MAPK9: variants seen among roughly 807,000 people sequenced by gnomAD.
MAPK9 encodes Jun kinase.
MAPK9 carries 30 observed loss-of-function variants against 57.1 expected under a neutral mutation model. That is an observed-to-expected ratio of 0.53 (90% CI 0.39 to 0.71). MAPK9 has a LOEUF of 0.71. Ranked by LOEUF, MAPK9 falls within the 30% of genes least tolerant of loss-of-function variation. The pLI, the probability that MAPK9 is intolerant of heterozygous loss-of-function variation, is 0.00. For missense variants in MAPK9, 362 were observed against 521.0 expected (o/e 0.69, Z 2.97); for synonymous variants, 155 against 177.0 (o/e 0.88, Z 0.99).
In MAPK9 at chr5:180,269,410, C is replaced by T; in HGVS notation, c.123-1G>A. 6.2e-7 allele frequency: 1 copy of T among 1,613,408 alleles called. No homozygotes were observed. Among genetic ancestry groups the T allele is most frequent in the Non-Finnish European group, 8.5e-7 (1 of 1,179,478 alleles). ...CCCAAGAACTGTATCAAATGCAGCA[C>T]TAGAATTAGGAAATATAATGCACAA... On this transcript the variant is annotated splice_acceptor_variant, in intron 2 of 11. Coordinates refer to ENST00000452135, the MANE Select transcript of MAPK9 (RefSeq NM_002752.5). LOFTEE classifies it high-confidence loss of function.
At chr5:180,277,188 T>C (rs993861255) in intron 2 of MAPK9, among the ~76,000 whole-genome samples, 2 of 152,256 alleles carry the variant, frequency 1.3e-5, no homozygotes, top group South Asian at 2.1e-4. Context: ...CCTATTGCTA[T>C]TGTAACAAGT....
intron 1 of MAPK9, among the ~76,000 whole-genome samples, chr5:180,288,003 A>AGTGGGTCTGCTATTTATCTGG (rs1762920710): frequency 6.6e-6 from 1 of 152,192 alleles, no homozygotes; most frequent in Non-Finnish European, 1.5e-5. Context: ...TCAGACTCCC[A>AGTGGGTCTGCTATTTATCTGG]GTGGGTCTGC....
At chr5:180,278,508 T>C (rs1344931821) in intron 2 of MAPK9, among the ~76,000 whole-genome samples, 3 of 152,192 alleles carry the variant, frequency 2.0e-5, no homozygotes, top group Non-Finnish European at 2.9e-5. Context: ...GAGACCATCC[T>C]GGCCAACATG....
intron 4 of MAPK9, among the ~76,000 whole-genome samples, chr5:180,262,646 G>A (rs1760102735): frequency 1.3e-5 from 2 of 151,510 alleles, no homozygotes; most frequent in African/African-American, 2.4e-5. Context: ...ATGTTGCCCA[G>A]GCTGGTCTCG....
chr5:180,247,476 C>T lies in MAPK9; in HGVS notation c.651G>A (p.Glu217=). Residue 217 remains glutamate, a synonymous_variant, in exon 7 of 12, where the codon GAG becomes GAA. Transcript: ENST00000452135. This position sits in a 1 kb window ranked among gnomAD's most constrained non-coding sequence, Gnocchi z 4.5. ...GGAATATCACACAACCTTTCACCAGCTCTCCCATGATGCAACCCACTGACC... is the reference window on the plus strand; with the variant it reads ...GGAATATCACACAACCTTTCACCAGTTCTCCCATGATGCAACCCACTGACC... ...DIWSVGCIMG[E]LVKGCVIFQG... 6.2e-7 allele frequency: 1 copy of T among 1,614,132 alleles called. No individual in the cohort carries two copies. Among genetic ancestry groups the T allele is most frequent in the Non-Finnish European group, 8.5e-7 (1 of 1,180,030 alleles).
In MAPK9 at chr5:180,257,233, C is replaced by T. The variant is rs35984843; in HGVS notation, c.450+4451G>A. Among the ~76,000 whole-genome samples, 719 of 152,286 alleles carry T rather than the reference C, an allele frequency of 4.7e-3. 6 individuals carry two copies. The highest frequency in any genetic ancestry group is 0.038 in the Admixed American group (577 of 15,302). On this transcript the variant is annotated intron_variant, in intron 5 of 11. Coordinates refer to ENST00000452135, the MANE Select transcript of MAPK9 (RefSeq NM_002752.5). ...CGAGACAACCCTGCCCTCTGTGGGT[C>T]GGTGGGCTCTACCCCCAAGGGAGGC...
intron 6 of MAPK9, among the ~76,000 whole-genome samples, chr5:180,248,591 C>T (rs1259349179): frequency 6.6e-6 from 1 of 152,094 alleles, no homozygotes; most frequent in East Asian, 1.9e-4. Flanking sequence ...TAAAGCTGAT[C>T]CATGGTACTG....
chr5:180,280,753 GAC>G (rs1762251616), intron 1 of MAPK9, 145 bp from the exon 2 acceptor site: 2 of 607,144 alleles, frequency 3.3e-6, no homozygotes, highest in Non-Finnish European at 5.2e-6. Context: ...ACTTAAGCAA[GAC>G]ACAAAAAAAT....
At chr5:180,266,126 G>A (rs1337280286) in intron 3 of MAPK9, among the ~76,000 whole-genome samples, 1 of 148,210 alleles carries the variant, frequency 6.7e-6, no homozygotes, top group Non-Finnish European at 1.5e-5. Flanking sequence ...AAATGCAGAA[G>A]AGACCAGCAG....
chr5:180,283,480 G>C (rs982511675), intron 1 of MAPK9, among the ~76,000 whole-genome samples: 4 of 152,146 alleles, frequency 2.6e-5, no homozygotes, highest in African/African-American at 9.7e-5. Context: ...TGTCCACGTT[G>C]GGACTGACAG....
intron 10 of MAPK9, among the ~76,000 whole-genome samples, chr5:180,239,114 C>A (rs1208279861): frequency 6.6e-6 from 1 of 152,108 alleles, no homozygotes. Flanking sequence ...GGCTAGGAGC[C>A]CCCCACACTG....
chr5:180,254,967 G>A (rs1420902975), intron 5 of MAPK9, among the ~76,000 whole-genome samples: 2 of 152,194 alleles, frequency 1.3e-5, no homozygotes, highest in African/African-American at 4.8e-5. Flanking sequence ...CCGAGAGGCA[G>A]AGTTTGCACT....
Position 180,274,557 on chromosome 5 carries a change from G to A in MAPK9, c.123-5148C>T, listed in dbSNP as rs1761644207. 2.0e-5 allele frequency among the ~76,000 whole-genome samples: 3 copies of A among 152,178 alleles called. No individual in the cohort carries two copies. The South Asian group carries it at 6.2e-4, about 32-fold the overall frequency. On this transcript the variant is annotated intron_variant, in intron 2 of 11. Coordinates refer to ENST00000452135, the MANE Select transcript of MAPK9 (RefSeq NM_002752.5). The stretch of plus-strand genomic sequence containing the variant: ...CTGACTGAAAGAGATCAAGAGATTG[G>A]GAACCACAGACCTAAAGCTGTAAGG...
At chr5:180,285,949 G>A (rs1414334642) in intron 1 of MAPK9, among the ~76,000 whole-genome samples, 12 of 150,316 alleles carry the variant, frequency 8.0e-5, no homozygotes, top group South Asian at 6.3e-4. Flanking sequence ...GTGTGGTGGC[G>A]GGCGCCTGTA....
At chr5:180,267,297 C>G (rs1760675453) in intron 3 of MAPK9, among the ~76,000 whole-genome samples, 1 of 151,998 alleles carries the variant, frequency 6.6e-6, no homozygotes, top group South Asian at 2.1e-4. Flanking sequence ...TGCGGTGGCT[C>G]ACGCCTGTAA....
chr5:180,267,333 A>G (rs552617078), intron 3 of MAPK9, among the ~76,000 whole-genome samples: 284 of 152,204 alleles, frequency 1.9e-3, no homozygotes, highest in South Asian at 0.016. Flanking sequence ...ACGCCGAGGC[A>G]GGCAGATCAC....
intron 2 of MAPK9, among the ~76,000 whole-genome samples, chr5:180,278,553 A>T (rs1335940413): frequency 6.6e-6 from 1 of 152,154 alleles, no homozygotes; most frequent in Non-Finnish European, 1.5e-5. Flanking sequence ...TACAAAAATT[A>T]GCTGGGTGTG....
At chr5:180,271,320 C>G (rs1227662583) in intron 2 of MAPK9, among the ~76,000 whole-genome samples, 1 of 152,174 alleles carries the variant, frequency 6.6e-6, no homozygotes, top group East Asian at 1.9e-4. Flanking sequence ...ATTGCGGTCA[C>G]TCAAAGAATA....
At chr5:180,287,405 T>C (rs1049412698) in intron 1 of MAPK9, among the ~76,000 whole-genome samples, 6 of 152,190 alleles carry the variant, frequency 3.9e-5, no homozygotes, top group African/African-American at 1.4e-4. Context: ...TATAATTATT[T>C]CAAAATATGG....
Sources: allele counts gnomAD v4.1 joint callset (sites outside exome capture counted in the v4.1 genomes callset), GRCh38; gene constraint gnomAD v4.1.1; non-coding constraint Gnocchi (gnomAD v3.1); transcripts MANE v1.5; gene names NCBI Gene and HGNC (gene_info 2026-07-23, HGNC 2026-07-21).